The following PIEZO2 variants were observed in gnomAD, a reference collection of about 807,000 sequenced individuals.
PIEZO2 encodes the protein piezo type mechanosensitive ion channel component 2, also known as piezo-type mechanosensitive ion channel component 2.
In PIEZO2, 172 loss-of-function variants were observed where a neutral mutation model predicts 337.3. The ratio of observed to expected loss-of-function variants is 0.51; its 90% CI spans 0.45 to 0.58. The LOEUF is 0.58. Among genes scored for constraint, PIEZO2 ranks in the 20% least tolerant of loss-of-function variants. PIEZO2 has a pLI of 0.00. For synonymous variants in PIEZO2, 1,251 were observed against 1,228.5 expected, an observed-to-expected ratio of 1.02 and a Z score of -0.38; for missense variants, 3,028 against 3,391.3, an observed-to-expected ratio of 0.89 and a Z score of 2.66.
chr18:11,071,336 A>G (rs1156452368), intron 1 of PIEZO2, among the ~76,000 whole-genome samples: 1 of 152,208 alleles, frequency 6.6e-6, no homozygotes, highest in Non-Finnish European at 1.5e-5. Context: ...TCTCATCCAG[A>G]GTTGAAGTCT....
intron 14 of PIEZO2, among the ~76,000 whole-genome samples, chr18:10,789,924 C>A (rs1479802105): frequency 2.0e-5 from 3 of 151,968 alleles, no homozygotes; most frequent in Non-Finnish European, 2.9e-5. Context: ...TTTTGTGTTG[C>A]TTTAAAATAC....
At position 11,125,283 on chromosome 18, in the gene PIEZO2, A is replaced by G. The variant is rs759263759; in HGVS notation, c.64+23242T>C. On this transcript the variant is annotated intron_variant, in intron 1 of 55. Transcript: ENST00000674853. The surrounding 1 kb of genome is among the most constrained non-coding windows in gnomAD (Gnocchi z 4.4). The stretch of plus-strand genomic sequence containing the variant: ...AGCTGATAATTCAAAAAGTATGCGA[A>G]TATGTTTTAAAAACTACGATGTGTC... Among the ~76,000 whole-genome samples the G allele has an allele frequency of 1.5e-4, 23 of 152,236 alleles. No homozygotes were observed. The highest frequency in any genetic ancestry group is 2.6e-4 in the Non-Finnish European group (18 of 68,038).
chr18:10,960,781 T>C (rs2033737580), intron 3 of PIEZO2, among the ~76,000 whole-genome samples: 1 of 152,192 alleles, frequency 6.6e-6, no homozygotes, highest in South Asian at 2.1e-4. Context: ...TTAGGGACCT[T>C]GGGAAAAATC....
intron 49 of PIEZO2, among the ~76,000 whole-genome samples, chr18:10,687,847 C>T (rs1567948986): frequency 6.6e-6 from 1 of 152,148 alleles, no homozygotes; most frequent in Non-Finnish European, 1.5e-5. Flanking sequence ...GTGACACCAT[C>T]GAATAACACC....
rs546222457 is a variant in PIEZO2, at chr18:11,003,686, A to G, written c.161-24026T>C. 6.6e-6 allele frequency among the ~76,000 whole-genome samples: 1 copy of G among 152,178 alleles called. No homozygotes were observed. The highest frequency in any genetic ancestry group is 1.5e-5 in the Non-Finnish European group (1 of 68,038). On this transcript the variant is annotated intron_variant, in intron 2 of 55. Transcript: ENST00000674853. This position sits in a 1 kb window ranked among gnomAD's most constrained non-coding sequence, Gnocchi z 4.6. ...CCCATCTTGGGCACACTCACATACTAGCACACAGACTGGGACCATGTGGAC... is the reference window on the plus strand; with the variant it reads ...CCCATCTTGGGCACACTCACATACTGGCACACAGACTGGGACCATGTGGAC...
In PIEZO2 at chr18:10,781,913, C is replaced by A. The variant is rs2038996859; in HGVS notation, c.2493-1547G>T. ...GTTTAGGAGGCAGGAGCAGAGAAAG[C>A]AAAGCCTGACAGTCAATCCTAACTC... On this transcript the variant is annotated intron_variant, in intron 17 of 55. Coordinates refer to ENST00000674853, the MANE Select transcript of PIEZO2 (RefSeq NM_001378183.1). This position sits in a 1 kb window ranked among gnomAD's most constrained non-coding sequence, Gnocchi z 4.1. 1.3e-5 allele frequency among the ~76,000 whole-genome samples: 2 copies of A among 152,048 alleles called. No individual in the cohort carries two copies. Among genetic ancestry groups the A allele is most frequent in the Non-Finnish European group, 2.9e-5 (2 of 68,012 alleles).
chr18:10,838,868 C>T (rs1020954593), intron 7 of PIEZO2, among the ~76,000 whole-genome samples: 1 of 152,296 alleles, frequency 6.6e-6, no homozygotes, highest in South Asian at 2.1e-4. Context: ...TAGCTCAACA[C>T]GTAAGCCAGG....
Position 10,677,633 on chromosome 18 carries a change from T to C in PIEZO2, c.8081+114A>G, listed in dbSNP as rs1214447297. 8 of 1,303,868 alleles carry C rather than the reference T, an allele frequency of 6.1e-6. No individual in the cohort carries two copies. The highest frequency in any genetic ancestry group is 1.3e-5 in the South Asian group (1 of 75,808). 80.8% of individuals were successfully genotyped at this position (1,303,868 alleles called of 1,614,324 possible). On this transcript the variant is annotated intron_variant, in intron 53 of 55. Transcript: ENST00000674853. The surrounding 1 kb of genome is among the most constrained non-coding windows in gnomAD (Gnocchi z 4.1). ...GGGGCCTCCAAATAGAAATTAACTT[T>C]GTGTTACCAAAGAATGAAGTTGCAT...
intron 37 of PIEZO2, among the ~76,000 whole-genome samples, 176 bp from the exon 38 acceptor site, chr18:10,715,992 T>G (rs561851792): frequency 6.6e-6 from 1 of 152,210 alleles, no homozygotes; most frequent in African/African-American, 2.4e-5. Context: ...CAGGAAGCTT[T>G]TGTGGGGCTT....
intron 1 of PIEZO2, among the ~76,000 whole-genome samples, chr18:11,072,424 T>C (rs565605682): frequency 4.6e-5 from 7 of 152,352 alleles, no homozygotes; most frequent in Admixed American, 1.3e-4. Context: ...TTTTTAATGT[T>C]AATCCATGTT....
intron 3 of PIEZO2, among the ~76,000 whole-genome samples, chr18:10,922,116 G>A (rs1004930751): frequency 2.8e-4 from 42 of 152,076 alleles, no homozygotes; most frequent in Admixed American, 7.9e-4. Context: ...AGTACGTGAT[G>A]TCTGTGACCC....
chr18:10,786,346 T>C (rs1403930837), intron 16 of PIEZO2, among the ~76,000 whole-genome samples: 1 of 152,252 alleles, frequency 6.6e-6, no homozygotes, highest in African/African-American at 2.4e-5. Flanking sequence ...CAAAACAGTG[T>C]CAGCACATGG....
Position 10,789,220 on chromosome 18 carries a change from G to A in PIEZO2, c.2028C>T (p.Gly676=), listed in dbSNP as rs1186153707. ...TGATGAACATGGCCACCACCAGATT[G>A]CCCAGGACTTTCATGATGTCCTGCT... ...EDEQDIMKVL[G]NLVVAMFIKY... The change falls in exon 15 of 56, where the codon GGC becomes GGT. Residue 676 remains glycine, a synonymous_variant. Transcript: ENST00000674853. The A allele has an allele frequency of 1.3e-6, 2 of 1,537,262 alleles. No homozygotes were observed. The highest frequency in any genetic ancestry group is 2.4e-5 in the South Asian group (2 of 84,058).
chr18:10,832,664 T>C lies in PIEZO2; in HGVS notation c.917+22689A>G, dbSNP rs147355116. Among the ~76,000 whole-genome samples, 1,359 of 152,276 alleles carry C rather than the reference T, an allele frequency of 8.9e-3. 25 individuals carry two copies. The highest frequency in any genetic ancestry group is 0.031 in the African/African-American group (1,294 of 41,546). The stretch of plus-strand genomic sequence containing the variant: ...TGACTGAACAAACGCAGGAAAGAAC[T>C]ACCCGGGAATGTACCGCTCTGCAAT... On this transcript the variant is annotated intron_variant, in intron 7 of 55. Coordinates refer to ENST00000674853, the MANE Select transcript of PIEZO2 (RefSeq NM_001378183.1).
Position 10,854,121 on chromosome 18 carries a change from C to A in PIEZO2, c.917+1232G>T, listed in dbSNP as rs1487640262. On this transcript the variant is annotated intron_variant, in intron 7 of 55. Coordinates refer to ENST00000674853, the MANE Select transcript of PIEZO2 (RefSeq NM_001378183.1). The surrounding 1 kb of genome is among the most constrained non-coding windows in gnomAD (Gnocchi z 4.6). ...CCTTGCAGAATCCACATTTTGAATTCTTTTGATTGTTTTTCTTGTGGAGCT... is the reference window on the plus strand; with the variant it reads ...CCTTGCAGAATCCACATTTTGAATTATTTTGATTGTTTTTCTTGTGGAGCT... Among the ~76,000 whole-genome samples, 2 of 151,904 alleles carry A rather than the reference C, an allele frequency of 1.3e-5. No individual in the cohort carries two copies. Among genetic ancestry groups the A allele is most frequent in the African/African-American group, 2.4e-5 (1 of 41,356 alleles).
At chr18:11,059,786 A>G (rs2037871384) in intron 2 of PIEZO2, among the ~76,000 whole-genome samples, 2 of 152,208 alleles carry the variant, frequency 1.3e-5, no homozygotes, top group South Asian at 2.1e-4. Flanking sequence ...AAAGAGACTT[A>G]GACTCCCACA....
intron 2 of PIEZO2, among the ~76,000 whole-genome samples, chr18:11,050,068 A>G (rs2037468790): frequency 6.6e-6 from 1 of 152,190 alleles, no homozygotes; most frequent in Admixed American, 6.5e-5. Context: ...TATGCCCAAT[A>G]TAAGGCAACA....
chr18:10,932,081 T>C (rs2032122453), intron 3 of PIEZO2, among the ~76,000 whole-genome samples: 1 of 152,244 alleles, frequency 6.6e-6, no homozygotes, highest in South Asian at 2.1e-4. Flanking sequence ...TATTAGGTTC[T>C]AAGTTGAACC....
At chr18:11,072,219 C>G (rs1486314613) in intron 1 of PIEZO2, among the ~76,000 whole-genome samples, 2 of 152,036 alleles carry the variant, frequency 1.3e-5, no homozygotes, top group African/African-American at 2.4e-5. Flanking sequence ...TGTATCTGCT[C>G]CAGAGTAGGG....
Sources: allele counts gnomAD v4.1 joint callset (sites outside exome capture counted in the v4.1 genomes callset), GRCh38; gene constraint gnomAD v4.1.1; non-coding constraint Gnocchi (gnomAD v3.1); transcripts MANE v1.5; gene names NCBI Gene and HGNC (gene_info 2026-07-23, HGNC 2026-07-21).